ERICH1: variants seen among roughly 807,000 people sequenced by gnomAD.
The protein encoded by ERICH1 is glutamate-rich protein 1.
In ERICH1, 56 loss-of-function variants were observed where a neutral mutation model predicts 39.6. The ratio of observed to expected loss-of-function variants is 1.41; its 90% CI spans 1.14 to 1.77. The LOEUF is 1.77. ERICH1 is among the 40% of genes most tolerant of loss of function. The pLI, the probability that ERICH1 is intolerant of heterozygous loss-of-function variation, is 0.00. For synonymous variants in ERICH1, 313 were observed against 223.6 expected (o/e 1.40, Z -3.57); for missense variants, 826 against 575.4 (o/e 1.44, Z -4.45).
intron 3 of ERICH1, among the ~76,000 whole-genome samples, chr8:676,961 C>T (rs539561716): frequency 6.6e-6 from 1 of 152,344 alleles, no homozygotes; most frequent in East Asian, 1.9e-4. Context: ...AGCGCTTTCC[C>T]TTCACCTCTG....
intron 3 of ERICH1, among the ~76,000 whole-genome samples, chr8:619,804 G>A (rs906299520): frequency 6.6e-6 from 1 of 152,102 alleles, no homozygotes; most frequent in Non-Finnish European, 1.5e-5. Context: ...TCATTCCACA[G>A]GAGTATGTTT....
downstream of ERICH1, among the ~76,000 whole-genome samples, chr8:661,063 C>A (rs762171880): frequency 2.6e-5 from 4 of 152,314 alleles, no homozygotes; most frequent in East Asian, 7.7e-4. Flanking sequence ...CACTGCACCA[C>A]AGTATCCTGT....
chr8:679,370 C>T (rs1805594196), intron 3 of ERICH1, among the ~76,000 whole-genome samples: 1 of 150,220 alleles, frequency 6.7e-6, no homozygotes, highest in Non-Finnish European at 1.5e-5. Flanking sequence ...GCTCTGGCCC[C>T]TCACAGCACC....
intron 3 of ERICH1, among the ~76,000 whole-genome samples, chr8:641,814 C>T (rs751967573): frequency 2.6e-5 from 4 of 152,208 alleles, no homozygotes; most frequent in African/African-American, 9.6e-5. Context: ...CCTGCCCAGA[C>T]CTCATCAGAA....
intron 2 of ERICH1, among the ~76,000 whole-genome samples, chr8:702,822 G>T (rs1812454887): frequency 6.6e-6 from 1 of 152,248 alleles, no homozygotes; most frequent in Admixed American, 6.5e-5. Context: ...GCGGAAGCCA[G>T]AAGGCAGGAG....
intron 3 of ERICH1, among the ~76,000 whole-genome samples, chr8:621,882 G>C (rs1797304370): frequency 6.6e-6 from 1 of 152,126 alleles, no homozygotes; most frequent in Non-Finnish European, 1.5e-5. Flanking sequence ...CAACTCAAAA[G>C]GAAATATATC....
intron 3 of ERICH1, among the ~76,000 whole-genome samples, chr8:689,793 G>C (rs1808497728): frequency 6.6e-6 from 1 of 152,200 alleles, no homozygotes; most frequent in African/African-American, 2.4e-5. Flanking sequence ...ACGGACGTAA[G>C]CGGTATTTTG....
In ERICH1 at chr8:673,698, C is replaced by A; in HGVS notation, c.654G>T (p.Pro218=). ...EDGVDTSEED[P]TLAGEEDVKD... ...TAACGTCTTCCTCCCCGGCCAGTGT[C>A]GGGTCTTCCTCGCTGGTGTCCACAC... The change falls in exon 4 of 6, where the codon CCG becomes CCT. Residue 218 remains proline (P), a synonymous_variant. Transcript: ENST00000262109. 6.2e-7 allele frequency: 1 copy of A among 1,613,908 alleles called. No individual in the cohort carries two copies. Among genetic ancestry groups the A allele is most frequent in the South Asian group, 1.1e-5 (1 of 91,072 alleles).
At chr8:626,823 T>C (rs1797617694) in intron 3 of ERICH1, 1 of 257,658 alleles carries the variant, frequency 3.9e-6, no homozygotes, top group South Asian at 4.5e-5. Context: ...TATCACATCA[T>C]GGAGTTTTTG....
chr8:655,317 A>C (rs1427052215), intron 3 of ERICH1, among the ~76,000 whole-genome samples: 2 of 152,232 alleles, frequency 1.3e-5, no homozygotes, highest in African/African-American at 2.4e-5. Context: ...GCAGGTTGTA[A>C]GCAAATCCAA....
At chr8:717,918 C>T (rs1006259574) in intron 1 of ERICH1, among the ~76,000 whole-genome samples, 12 of 152,238 alleles carry the variant, frequency 7.9e-5, no homozygotes, top group African/African-American at 2.9e-4. Flanking sequence ...TAAACAGCCA[C>T]CGCCAGGAGA....
intron 1 of ERICH1, among the ~76,000 whole-genome samples, chr8:726,853 G>T (rs190665713): frequency 0.011 from 1,664 of 149,748 alleles, 40 homozygotes; most frequent in African/African-American, 0.038. Flanking sequence ...AGGCACATAC[G>T]TATGTACACA....
intron 3 of ERICH1, among the ~76,000 whole-genome samples, chr8:689,037 G>A (rs1043336721): frequency 2.0e-5 from 3 of 152,214 alleles, no homozygotes; most frequent in Non-Finnish European, 4.4e-5. Context: ...AGATGAATAT[G>A]AAAAGTGAAA....
intron 3 of ERICH1, among the ~76,000 whole-genome samples, chr8:620,032 G>A (rs922639470): frequency 6.6e-6 from 1 of 152,146 alleles, no homozygotes; most frequent in African/African-American, 2.4e-5. Context: ...ACAAAAAGTG[G>A]GCCAGGCGTG....
At chr8:689,901 G>C (rs954707248) in intron 3 of ERICH1, among the ~76,000 whole-genome samples, 2 of 152,168 alleles carry the variant, frequency 1.3e-5, no homozygotes, top group African/African-American at 4.8e-5. Context: ...GACGCGCCAG[G>C]ACCGTGAGCA....
chr8:709,302 A>G (rs1289664366), intron 2 of ERICH1, among the ~76,000 whole-genome samples: 2 of 152,152 alleles, frequency 1.3e-5, no homozygotes, highest in African/African-American at 4.8e-5. Flanking sequence ...CAGAGTCTGA[A>G]CCCTCAGAAA....
Position 673,699 on chromosome 8 carries a change from G to A in ERICH1, c.653C>T (p.Pro218Leu), listed in dbSNP as rs369345572. 44 of 1,613,490 alleles carry A rather than the reference G, an allele frequency of 2.7e-5. No individual in the cohort carries two copies. Among genetic ancestry groups the A allele is most frequent in the African/African-American group, 2.3e-4 (17 of 74,862 alleles). ...EDGVDTSEED[P>L]TLAGEEDVKD... ...AACGTCTTCCTCCCCGGCCAGTGTC[G>A]GGTCTTCCTCGCTGGTGTCCACACC... Residue 218 changes from proline (P) to leucine (L), a missense_variant, in exon 4 of 6, where the codon CCG becomes CTG. Transcript: ENST00000262109.
At chr8:688,326 TCGGCGCCA>T (rs1808095207) in intron 3 of ERICH1, among the ~76,000 whole-genome samples, 1 of 9,306 alleles carries the variant, frequency 1.1e-4, no homozygotes, top group Admixed American at 1.5e-3. Flanking sequence ...CCACCCCACC[TCGGCGCCA>T]TCCCGCTCTA....
At chr8:661,486 T>G (rs1801418666), downstream of ERICH1, among the ~76,000 whole-genome samples, 1 of 152,232 alleles carries the variant, frequency 6.6e-6, no homozygotes, top group African/African-American at 2.4e-5. Flanking sequence ...TGTCTTAATA[T>G]TGGCAACCTG....
Sources: allele counts gnomAD v4.1 joint callset (sites outside exome capture counted in the v4.1 genomes callset), GRCh38; gene constraint gnomAD v4.1.1; transcripts MANE v1.5; gene names NCBI Gene and HGNC (gene_info 2026-07-23, HGNC 2026-07-21).